Variants in EXOG observed in about 807,000 individuals in gnomAD.
EXOG encodes nuclease EXOG, mitochondrial.
Under a neutral mutation model 25.8 loss-of-function variants are expected in EXOG, and 27 were observed. The ratio of observed to expected loss-of-function variants is 1.05; its 90% CI spans 0.77 to 1.45. The LOEUF (loss-of-function observed/expected upper bound fraction) is 1.45, where lower values mean the gene tolerates loss of function less well. EXOG is among the 40% of genes most tolerant of loss of function. EXOG has a pLI of 0.00. For missense variants in EXOG, 458 were observed against 450.5 expected (o/e 1.02, Z -0.15); for synonymous variants, 133 against 167.0 (o/e 0.80, Z 1.57).
At chr3:38,501,141 C>G in intron 2 of EXOG, 1 of 489,162 alleles carries the variant, frequency 2.0e-6, no homozygotes, top group Non-Finnish European at 3.6e-6. Context: ...TATGAGATAG[C>G]TACACTGTAT....
In EXOG at chr3:38,510,306, G is replaced by T. The variant is rs564749151; in HGVS notation, c.645+3338G>T. On this transcript the variant is annotated intron_variant, in intron 5 of 5. Transcript: ENST00000287675. ...AAACAAAATGTGTAGTATGATCTTA[G>T]ATTAGATCCTAGACCAGAAAAAAGT... Among the ~76,000 whole-genome samples, 52 of 152,278 alleles carry T rather than the reference G, an allele frequency of 3.4e-4. 1 individual carries two copies. The highest frequency in any genetic ancestry group is 9.8e-4 in the Admixed American group (15 of 15,290).
chr3:38,496,474 T>C lies in EXOG; in HGVS notation c.107T>C (p.Leu36Pro), dbSNP rs752387567. ...GCTGCGGGAGCTGGGCTCGCGGCCC[T>C]GCAGTTCTTCCGGAGTCAGGGCGCT... is the stretch of plus-strand genomic sequence containing the variant. ...VGAAGAGLAA[L>P]QFFRSQGAEG... is the part of the protein sequence containing the mutation. The change falls in exon 1 of 6, where the codon CTG becomes CCG. Residue 36 changes from leucine to proline, a missense_variant. Leu to Pro is a moderately conservative substitution (Grantham distance 98). This residue lies in a region of EXOG where 275 missense variants were observed against 230.5 expected (regional missense o/e 1.19). Coordinates refer to ENST00000287675, the MANE Select transcript of EXOG (RefSeq NM_005107.4). 15 of 1,613,778 alleles carry C rather than the reference T, an allele frequency of 9.3e-6. No homozygotes were observed. In the African/African-American group the frequency reaches 2.0e-4, roughly 22 times the overall value.
chr3:38,497,490 G>A (rs774241390), intron 1 of EXOG, 139 bp from the exon 2 acceptor site: 8 of 1,361,264 alleles, frequency 5.9e-6, no homozygotes, highest in Non-Finnish European at 7.5e-6. Context: ...TTTTCTGGTT[G>A]ATTAGACTTC....
At chr3:38,508,720 C>CT (rs1033152802) in intron 5 of EXOG, among the ~76,000 whole-genome samples, 22 of 149,360 alleles carry the variant, frequency 1.5e-4, no homozygotes, top group Admixed American at 1.1e-3. Flanking sequence ...CACCCCCCCC[C>CT]CAAAAAAAAA....
intron 5 of EXOG, chr3:38,515,913 G>A (rs2060529209): frequency 6.6e-6 from 1 of 152,340 alleles, no homozygotes; most frequent in South Asian, 2.1e-4. Flanking sequence ...TGCTACTTTT[G>A]TGAGTTGTAG....
At chr3:38,508,716 C>T (rs1333958404) in intron 5 of EXOG, among the ~76,000 whole-genome samples, 1 of 149,176 alleles carries the variant, frequency 6.7e-6, no homozygotes, top group African/African-American at 2.5e-5. Context: ...GAACCACCCC[C>T]CCCCCAAAAA....
At chr3:38,518,902 G>T (rs939528437) in intron 5 of EXOG, among the ~76,000 whole-genome samples, 2 of 152,142 alleles carry the variant, frequency 1.3e-5, no homozygotes, top group Non-Finnish European at 2.9e-5. Context: ...ATCCAAACAT[G>T]GGTCTGTCTG....
chr3:38,511,246 A>C (rs565976639), intron 5 of EXOG, among the ~76,000 whole-genome samples: 1 of 152,174 alleles, frequency 6.6e-6, no homozygotes, highest in South Asian at 2.1e-4. Context: ...TTACTTAGAC[A>C]TACCGAAGCT....
rs531281822 is a variant in EXOG at position 38,506,238 on chromosome 3, A to G, written c.531-616A>G. Among the ~76,000 whole-genome samples the G allele has an allele frequency of 3.5e-4, 53 of 152,320 alleles. No homozygotes were observed. The South Asian group carries it at 0.01, about 29-fold the overall frequency. On this transcript the variant is annotated intron_variant, in intron 4 of 5. Transcript: ENST00000287675. ...GACAAAAACAGATTTTAAATGATAAATCCCAGCATTATAAAGATTGTTGTG... is the reference window on the plus strand; with the variant it reads ...GACAAAAACAGATTTTAAATGATAAGTCCCAGCATTATAAAGATTGTTGTG...
chr3:38,512,932 G>A (rs897544878), intron 5 of EXOG, among the ~76,000 whole-genome samples: 4 of 152,024 alleles, frequency 2.6e-5, no homozygotes, highest in African/African-American at 4.8e-5. Flanking sequence ...AAGTAGCTAC[G>A]ACTACAGGCA....
chr3:38,518,061 C>T (rs569973510), intron 5 of EXOG, among the ~76,000 whole-genome samples: 53 of 152,006 alleles, frequency 3.5e-4, no homozygotes, highest in African/African-American at 1.2e-3. Context: ...GAAATTCTTG[C>T]CAAGAATTTA....
Position 38,525,556 on chromosome 3 carries a change from C to T in EXOG, c.*1194C>T. ...GTTTATTAGAGCCCATGCTTGCCTC[C>T]AGAGATACAGTTCTTTTAGTGACCA... On this transcript the variant is annotated 3_prime_UTR_variant, in exon 6 of 6. Transcript: ENST00000287675. The T allele has an allele frequency of 1.0e-6, 1 of 985,196 alleles. No individual in the cohort carries two copies. Among genetic ancestry groups the T allele is most frequent in the Non-Finnish European group, 1.2e-6 (1 of 829,762 alleles). 61.0% of individuals were successfully genotyped at this position (985,196 alleles called of 1,614,324 possible).
In EXOG at chr3:38,524,294, T is replaced by C; in HGVS notation, c.1039T>C (p.Tyr347His). 2 of 1,613,970 alleles carry C rather than the reference T, an allele frequency of 1.2e-6. No homozygotes were observed. Among genetic ancestry groups the C allele is most frequent in the Non-Finnish European group, 1.7e-6 (2 of 1,179,990 alleles). The part of the protein sequence containing the change: ...IEPDDYFMSR[Y>H]EKKLEELKAK... ...ACCAGATGATTACTTTATGAGTCGC[T>C]ATGAGAAGAAGCTAGAAGAACTCAA... Residue 347 changes from tyrosine (Y) to histidine (H), a missense_variant, in exon 6 of 6, where the codon TAT becomes CAT. Tyr to His is a moderately conservative substitution (Grantham distance 83, BLOSUM62 2). Transcript: ENST00000287675.
intron 5 of EXOG, among the ~76,000 whole-genome samples, chr3:38,521,758 T>C (rs56858708): frequency 0.062 from 9,397 of 152,262 alleles, 453 homozygotes; most frequent in East Asian, 0.17. Context: ...TTTGTATTGG[T>C]ACCTAACCAC....
At chr3:38,500,252 GTT>G (rs1424244045) in intron 2 of EXOG, 2 of 152,906 alleles carry the variant, frequency 1.3e-5, no homozygotes, top group African/African-American at 4.8e-5. Context: ...CCTGAGCATG[GTT>G]TAATACGGTT....
intron 5 of EXOG, among the ~76,000 whole-genome samples, chr3:38,522,755 T>C (rs1453190108): frequency 6.6e-6 from 1 of 152,178 alleles, no homozygotes; most frequent in African/African-American, 2.4e-5. Context: ...CTGCCTGCCT[T>C]GGCCTCCCAA....
chr3:38,525,803 G>C lies in EXOG; in HGVS notation c.*1441G>C. Reference sequence around the variant, plus strand: ...ACAAAAAAATACAAAAATTAGCTGGGCGTGGTGGTGCACACCTGTAGTCCC... The same window carrying C: ...ACAAAAAAATACAAAAATTAGCTGGCCGTGGTGGTGCACACCTGTAGTCCC... On this transcript the variant is annotated 3_prime_UTR_variant, in exon 6 of 6. Coordinates refer to ENST00000287675, the MANE Select transcript of EXOG (RefSeq NM_005107.4). 2.9e-6 allele frequency: 1 copy of C among 343,874 alleles called. No individual in the cohort carries two copies. Among genetic ancestry groups the C allele is most frequent in the Middle Eastern group, 1.6e-3 (1 of 642 alleles). The allele number at this position is 343,874 out of a possible 1,614,324, so 21.3% of individuals were successfully genotyped here. A position where few individuals can be genotyped will look rare whatever the true frequency, so the allele number is the denominator to read the frequency against.
At chr3:38,512,507 T>A (rs553558123) in intron 5 of EXOG, among the ~76,000 whole-genome samples, 1 of 152,208 alleles carries the variant, frequency 6.6e-6, no homozygotes, top group Non-Finnish European at 1.5e-5. Context: ...TATAAAATTA[T>A]GAAATTTATT....
Position 38,525,506 on chromosome 3 carries a change from G to A in EXOG, c.*1144G>A, listed in dbSNP as rs2060847733. The A allele has an allele frequency of 2.0e-6, 2 of 985,408 alleles. No homozygotes were observed. Among genetic ancestry groups the A allele is most frequent in the Non-Finnish European group, 2.4e-6 (2 of 829,922 alleles). 61.0% of individuals were successfully genotyped at this position (985,408 alleles called of 1,614,324 possible). A position where few individuals can be genotyped will look rare whatever the true frequency, so the allele number is the denominator to read the frequency against. On this transcript the variant is annotated 3_prime_UTR_variant, in exon 6 of 6. Transcript: ENST00000287675. ...GAAAGAGACAGTCAGGAATATTTGGGAATTAGACGGCAATACTTTGTGGGG... is the reference window on the plus strand; with the variant it reads ...GAAAGAGACAGTCAGGAATATTTGGAAATTAGACGGCAATACTTTGTGGGG...
Sources: allele counts gnomAD v4.1 joint callset (sites outside exome capture counted in the v4.1 genomes callset), GRCh38; gene constraint gnomAD v4.1.1; regional missense constraint gnomAD v4.1.1; transcripts MANE v1.5; gene names NCBI Gene and HGNC (gene_info 2026-07-23, HGNC 2026-07-21).